CHD5: variants seen among roughly 807,000 people sequenced by gnomAD.
CHD5 encodes the protein chromodomain helicase DNA binding protein 5.
Under a neutral mutation model 230.3 loss-of-function variants are expected in CHD5, and 69 were observed. The ratio of observed to expected loss-of-function variants is 0.30; its 90% CI spans 0.25 to 0.37. The LOEUF (loss-of-function observed/expected upper bound fraction) is 0.37, where lower values mean the gene tolerates loss of function less well. Among genes scored for constraint, CHD5 ranks in the 10% least tolerant of loss-of-function variants. CHD5 has a pLI of 1.00. For synonymous variants in CHD5, 1,064 were observed against 1,065.9 expected, an observed-to-expected ratio of 1.00 and a Z score of 0.03; for missense variants, 1,827 against 2,622.8, an observed-to-expected ratio of 0.70 and a Z score of 6.63.
chr1:6,109,706 C>G, intron 38 of CHD5, 89 bp downstream of exon 38: 1 of 1,135,926 alleles, frequency 8.8e-7, no homozygotes. Flanking sequence ...CAGCCCCTAC[C>G]CCATCAGTGC....
At chr1:6,150,400 G>C (rs990978770) in intron 7 of CHD5, among the ~76,000 whole-genome samples, 12 of 150,248 alleles carry the variant, frequency 8.0e-5, no homozygotes, top group South Asian at 6.4e-4. Flanking sequence ...ATGGATGGAT[G>C]GATGGATGGA....
Position 6,106,263 on chromosome 1 carries a change from G to A in CHD5, c.*17C>T, listed in dbSNP as rs766069793. On this transcript the variant is annotated 3_prime_UTR_variant, in exon 41 of 42. Coordinates refer to ENST00000262450, the MANE Select transcript of CHD5 (RefSeq NM_015557.3). ...GCTGGAAATGAGCGCTGCAACACAG[G>A]GAAGTCTCGAGGACGGCTAGATATC... The A allele has an allele frequency of 6.8e-6, 11 of 1,612,722 alleles. No individual in the cohort carries two copies. The Middle Eastern group carries it at 8.2e-4, about 120-fold the overall frequency.
In CHD5 at chr1:6,135,212, G is replaced by A. The variant is rs200629329; in HGVS notation, c.2870+18C>T. ...AAAGGGCGAGCACAGGCTGCTCCGG[G>A]GTCAGCCCATCACTCACTTCTGCAT... is the stretch of plus-strand genomic sequence containing the variant. On this transcript the variant is annotated intron_variant, in intron 18 of 41. Coordinates refer to ENST00000262450, the MANE Select transcript of CHD5 (RefSeq NM_015557.3). 1 of 1,613,698 alleles carries A rather than the reference G, an allele frequency of 6.2e-7. No individual in the cohort carries two copies. The highest frequency in any genetic ancestry group is 8.5e-7 in the Non-Finnish European group (1 of 1,179,834).
At position 6,146,956 on chromosome 1, in the gene CHD5, G is replaced by C; in HGVS notation, c.1384-85C>G. On this transcript the variant is annotated intron_variant, in intron 9 of 41. Transcript: ENST00000262450. This position sits in a 1 kb window ranked among gnomAD's most constrained non-coding sequence, Gnocchi z 5.1. ...CCCATGACAGCAGGCTGCCATGCAG[G>C]CTCCCTCCCATCAGTGCCACTGCCC... is the stretch of plus-strand genomic sequence containing the variant. The C allele has an allele frequency of 1.9e-6, 2 of 1,066,132 alleles. No individual in the cohort carries two copies. The highest frequency in any genetic ancestry group is 2.6e-6 in the Non-Finnish European group (2 of 758,240). The allele number at this position is 1,066,132 out of a possible 1,614,324, so 66.0% of individuals were successfully genotyped here.
chr1:6,164,047 C>T (rs1667216395), intron 2 of CHD5, among the ~76,000 whole-genome samples: 1 of 152,224 alleles, frequency 6.6e-6, no homozygotes, highest in Non-Finnish European at 1.5e-5. Context: ...CTCTGAGCCC[C>T]CACCCTGCTG....
In CHD5 at chr1:6,164,350, A is replaced by G. The variant is rs931624679; in HGVS notation, c.207+3800T>C. Among the ~76,000 whole-genome samples, 5 of 152,220 alleles carry G rather than the reference A, an allele frequency of 3.3e-5. 1 individual carries two copies. In the South Asian group the frequency reaches 6.2e-4, roughly 19 times the overall value. On this transcript the variant is annotated intron_variant, in intron 2 of 41. Transcript: ENST00000262450. ...ATTCACGAGTGTTATAAACAGTTAT[A>G]ATTTAGCACTGAATAATTGGTTGCT... is the stretch of plus-strand genomic sequence containing the variant.
At chr1:6,149,184 G>A (rs1245760660) in intron 8 of CHD5, 62 bp downstream of exon 8, 1 of 1,496,554 alleles carries the variant, frequency 6.7e-7, no homozygotes, top group Non-Finnish European at 8.9e-7. Flanking sequence ...CCAAATGAGG[G>A]CACAGGGGTG....
rs1265353262 is a variant in CHD5, at chr1:6,154,241, G to A, written c.745+419C>T. ...GCAGACAAGAAGAAGAGACGGGCTC[G>A]ACTGGGGCCTCCTCCTCCTCCCCAG... On this transcript the variant is annotated intron_variant, in intron 5 of 41. Coordinates refer to ENST00000262450, the MANE Select transcript of CHD5 (RefSeq NM_015557.3). The surrounding 1 kb of genome is among the most constrained non-coding windows in gnomAD (Gnocchi z 7.0). 3.9e-5 allele frequency among the ~76,000 whole-genome samples: 6 copies of A among 152,090 alleles called. No homozygotes were observed. The highest frequency in any genetic ancestry group is 6.5e-5 in the Admixed American group (1 of 15,270).
At position 6,146,292 on chromosome 1, in the gene CHD5, G is replaced by C. The variant is rs746262673; in HGVS notation, c.1722C>G (p.Leu574=). The change falls in exon 11 of 42, where the codon CTC becomes CTG. Residue 574 remains leucine (L), a synonymous_variant. Coordinates refer to ENST00000262450, the MANE Select transcript of CHD5 (RefSeq NM_015557.3). The surrounding 1 kb of genome is among the most constrained non-coding windows in gnomAD (Gnocchi z 5.1). ...KSEKRKNKDP[L]YAKMEERFYR... ...AGAAGCGCTCCTCCATCTTGGCATA[G>C]AGGGGGTCCTTGTTCTTCCTCTTCT... 2.5e-6 allele frequency: 4 copies of C among 1,614,088 alleles called. No homozygotes were observed. Among genetic ancestry groups the C allele is most frequent in the Non-Finnish European group, 3.4e-6 (4 of 1,180,032 alleles).
rs1308589125 is a variant in CHD5, at chr1:6,103,978, A to T, written c.*1496T>A. 1 of 152,368 alleles carries T rather than the reference A, an allele frequency of 6.6e-6. No homozygotes were observed. The highest frequency in any genetic ancestry group is 1.5e-5 in the Non-Finnish European group (1 of 68,196). 9.4% of individuals were successfully genotyped at this position (152,368 alleles called of 1,614,324 possible). A position where few individuals can be genotyped will look rare whatever the true frequency, so the allele number is the denominator to read the frequency against. On this transcript the variant is annotated 3_prime_UTR_variant, in exon 42 of 42. Transcript: ENST00000262450. ...CCCAGCCCGTGTGCACCTCCACCCC[A>T]GGCCCAGCTGGGTTTTTCACGCAGC...
intron 3 of CHD5, among the ~76,000 whole-genome samples, chr1:6,158,679 G>A (rs1368744605): frequency 6.6e-6 from 1 of 152,120 alleles, no homozygotes; most frequent in East Asian, 1.9e-4. Flanking sequence ...TGTAATCCCA[G>A]CACTTTGGGA....
At chr1:6,164,501 A>T (rs1189484021) in intron 2 of CHD5, among the ~76,000 whole-genome samples, 1 of 152,134 alleles carries the variant, frequency 6.6e-6, no homozygotes, top group African/African-American at 2.4e-5. Flanking sequence ...GTAAATCAGA[A>T]TCCACGACTT....
intron 1 of CHD5, among the ~76,000 whole-genome samples, chr1:6,169,697 G>A (rs1356742408): frequency 6.6e-6 from 1 of 152,230 alleles, no homozygotes; most frequent in Non-Finnish European, 1.5e-5. Context: ...GGGCAAAGGA[G>A]GCTTCCAGAA....
intron 3 of CHD5, among the ~76,000 whole-genome samples, chr1:6,158,234 T>C (rs1330265143): frequency 1.3e-5 from 2 of 152,170 alleles, no homozygotes; most frequent in Non-Finnish European, 2.9e-5. Flanking sequence ...CCTGGCTTCC[T>C]TCACATCATT....
chr1:6,128,361 T>C lies in CHD5; in HGVS notation c.3730+138A>G. Reference sequence around the variant, plus strand: ...GGCATGGTGACCAGACAGAGGAAACTGCGCTGTAACAGCCCCACTCGCCGC... The same window carrying C: ...GGCATGGTGACCAGACAGAGGAAACCGCGCTGTAACAGCCCCACTCGCCGC... On this transcript the variant is annotated intron_variant, in intron 24 of 41. Coordinates refer to ENST00000262450, the MANE Select transcript of CHD5 (RefSeq NM_015557.3). This position sits in a 1 kb window ranked among gnomAD's most constrained non-coding sequence, Gnocchi z 7.8. 1 of 1,115,130 alleles carries C rather than the reference T, an allele frequency of 9.0e-7. No homozygotes were observed. Among genetic ancestry groups the C allele is most frequent in the Non-Finnish European group, 1.3e-6 (1 of 767,772 alleles). 69.1% of individuals were successfully genotyped at this position (1,115,130 alleles called of 1,614,324 possible).
chr1:6,115,990 G>A (rs1666372814), intron 33 of CHD5, among the ~76,000 whole-genome samples: 3 of 152,322 alleles, frequency 2.0e-5, no homozygotes, highest in South Asian at 2.1e-4. Flanking sequence ...GCCTGGCAGA[G>A]AAATAGATAA....
rs1051193307 is a variant in CHD5, at chr1:6,121,357, C to T, written c.4780-120G>A. ...GCTCCCGTCGCTTGCTCCTAGCCTG[C>T]TCCCCGCCGATTCAGAGCCCCGAAA... On this transcript the variant is annotated intron_variant, in intron 32 of 41. Transcript: ENST00000262450. The surrounding 1 kb of genome is among the most constrained non-coding windows in gnomAD (Gnocchi z 4.5). 2.1e-5 allele frequency: 31 copies of T among 1,491,192 alleles called. No individual in the cohort carries two copies. The highest frequency in any genetic ancestry group is 2.7e-5 in the Non-Finnish European group (29 of 1,092,656). 92.4% of individuals were successfully genotyped at this position (1,491,192 alleles called of 1,614,324 possible).
chr1:6,141,000 T>TAATAATAATAAC (rs1666819725), intron 15 of CHD5, among the ~76,000 whole-genome samples: 1 of 137,932 alleles, frequency 7.2e-6, no homozygotes. Context: ...ATAATAATAA[T>TAATAATAATAAC]AGGCTGAGCG....
intron 29 of CHD5, among the ~76,000 whole-genome samples, 200 bp from the exon 30 acceptor site, chr1:6,124,861 G>A (rs951806282): frequency 8.5e-5 from 13 of 152,330 alleles, no homozygotes; most frequent in African/African-American, 4.8e-5. Context: ...CTGGGTGACC[G>A]GGATCTTCCT....
Sources: gnomAD v4.1 joint callset for allele counts (sites outside exome capture counted in the v4.1 genomes callset) on GRCh38, gnomAD v4.1.1 for gene constraint, Gnocchi (gnomAD v3.1) non-coding constraint, MANE v1.5 for transcripts, NCBI Gene and HGNC (gene_info 2026-07-23, HGNC 2026-07-21) for gene names.